The following ZMYND8 variants were observed in gnomAD, a reference collection of about 807,000 sequenced individuals.
ZMYND8 encodes zinc finger MYND-type containing 8.
In ZMYND8, 37 loss-of-function variants were observed where a neutral mutation model predicts 140.8. The observed-to-expected ratio is 0.26, with a 90% confidence interval of 0.20 to 0.35. The LOEUF is 0.35. ZMYND8 is among the 10% of genes least tolerant of loss of function. The probability of loss-of-function intolerance (pLI) is 1.00; values close to 1 mark genes in which losing one functional copy is unlikely to be tolerated. For synonymous variants in ZMYND8, 592 were observed against 597.1 expected, an observed-to-expected ratio of 0.99 and a Z score of 0.12; for missense variants, 1,068 against 1,570.0, an observed-to-expected ratio of 0.68 and a Z score of 5.40.
intron 10 of ZMYND8, among the ~76,000 whole-genome samples, chr20:47,280,201 A>G (rs909011229): frequency 1.8e-4 from 27 of 151,946 alleles, no homozygotes; most frequent in Admixed American, 6.6e-5. Flanking sequence ...AGACCTCCAA[A>G]GTTGTTTCTC....
chr20:47,266,302 G>A (rs2075521382), intron 11 of ZMYND8, among the ~76,000 whole-genome samples: 1 of 151,658 alleles, frequency 6.6e-6, no homozygotes, highest in South Asian at 2.1e-4. Flanking sequence ...GGAGAGAGAT[G>A]GAGTTTCACT....
intron 2 of ZMYND8, among the ~76,000 whole-genome samples, chr20:47,325,196 C>T (rs2080311552): frequency 1.3e-5 from 2 of 152,220 alleles, no homozygotes; most frequent in African/African-American, 2.4e-5. Flanking sequence ...TGAGCCACCA[C>T]ACCTGGCCCA....
chr20:47,283,721 T>A (rs1040756332), intron 8 of ZMYND8, 73 bp from the exon 9 acceptor site: 48 of 1,468,956 alleles, frequency 3.3e-5, no homozygotes, highest in Non-Finnish European at 4.2e-5. Flanking sequence ...CAATGCTTGA[T>A]GATTTTGAAG....
chr20:47,330,463 C>T (rs1265652434), intron 2 of ZMYND8, among the ~76,000 whole-genome samples: 11 of 151,670 alleles, frequency 7.3e-5, no homozygotes, highest in Non-Finnish European at 1.5e-4. Context: ...CTCAGCCTCC[C>T]AAAATGCTGG....
At chr20:47,295,624 T>C (rs901885267) in intron 4 of ZMYND8, among the ~76,000 whole-genome samples, 1 of 152,204 alleles carries the variant, frequency 6.6e-6, no homozygotes, top group African/African-American at 2.4e-5. Context: ...TATGACTTCA[T>C]TGTCCATCTC....
rs756460544 is a variant in ZMYND8 at position 47,247,132 on chromosome 20, CCCA to C, written c.1775-618_1775-616del. On this transcript the variant is annotated intron_variant, in intron 13 of 22. Transcript: ENST00000471951. Reference sequence around the variant, plus strand: ...TTTCATGCGAGAGGCACTGGTTTGGCCCACAGGGTATCTTGTCTGCTTTTAATT... The same window carrying C: ...TTTCATGCGAGAGGCACTGGTTTGGCCAGGGTATCTTGTCTGCTTTTAATT... Among the ~76,000 whole-genome samples, 11 of 152,338 alleles carry C rather than the reference CCCA, an allele frequency of 7.2e-5. No individual in the cohort carries two copies. The South Asian group carries it at 8.3e-4, about 11-fold the overall frequency.
intron 19 of ZMYND8, among the ~76,000 whole-genome samples, chr20:47,222,439 G>A (rs1428430408): frequency 6.6e-6 from 1 of 152,236 alleles, no homozygotes; most frequent in Admixed American, 6.5e-5. Context: ...GGGAGGCTGA[G>A]GAAGGAGAAT....
chr20:47,272,192 C>T (rs927206544), intron 11 of ZMYND8, among the ~76,000 whole-genome samples: 20 of 151,894 alleles, frequency 1.3e-4, no homozygotes, highest in African/African-American at 4.6e-4. Context: ...ATTCTCTTGC[C>T]TCAGCCTCCC....
intron 10 of ZMYND8, among the ~76,000 whole-genome samples, chr20:47,280,471 T>C (rs1468566932): frequency 6.6e-6 from 1 of 152,174 alleles, no homozygotes; most frequent in African/African-American, 2.4e-5. Context: ...TCACACGCCG[T>C]CCTTCATGCT....
At chr20:47,308,860 A>G (rs913601666) in intron 3 of ZMYND8, among the ~76,000 whole-genome samples, 1 of 152,144 alleles carries the variant, frequency 6.6e-6, no homozygotes, top group Non-Finnish European at 1.5e-5. Flanking sequence ...CCTTCCATGA[A>G]AGCAACAATC....
At chr20:47,233,335 G>A (rs997344447) in intron 16 of ZMYND8, among the ~76,000 whole-genome samples, 4 of 149,786 alleles carry the variant, frequency 2.7e-5, no homozygotes, top group African/African-American at 5.0e-5. Flanking sequence ...TCAGCCTCCC[G>A]AATAGCTGAG....
intron 19 of ZMYND8, among the ~76,000 whole-genome samples, chr20:47,222,996 T>C (rs1459928612): frequency 6.6e-6 from 1 of 152,194 alleles, no homozygotes; most frequent in Non-Finnish European, 1.5e-5. Context: ...GCCTAAAATA[T>C]TCACTCTCGC....
intron 12 of ZMYND8, among the ~76,000 whole-genome samples, chr20:47,258,784 T>G (rs2074944404): frequency 6.6e-6 from 1 of 151,952 alleles, no homozygotes; most frequent in Non-Finnish European, 1.5e-5. Flanking sequence ...ACTGGAGAAT[T>G]CCTTAACATT....
In ZMYND8 at chr20:47,335,026, G is replaced by A. The variant is rs575242644; in HGVS notation, c.85+12830C>T. Among the ~76,000 whole-genome samples the A allele has an allele frequency of 9.9e-5, 15 of 152,092 alleles. No individual in the cohort carries two copies. In the East Asian group the frequency reaches 2.7e-3, roughly 28 times the overall value. On this transcript the variant is annotated intron_variant, in intron 2 of 22. Coordinates refer to ENST00000471951, the MANE Select transcript of ZMYND8 (RefSeq NM_001281775.3). ...TTTGGGAGGCCAAGACAGGAGGATCGCTTGAGCCCAGGAGTTCAAGACCAG... is the reference window on the plus strand; with the variant it reads ...TTTGGGAGGCCAAGACAGGAGGATCACTTGAGCCCAGGAGTTCAAGACCAG...
At chr20:47,336,406 C>T (rs1270986714) in intron 2 of ZMYND8, among the ~76,000 whole-genome samples, 1 of 152,210 alleles carries the variant, frequency 6.6e-6, no homozygotes, top group Admixed American at 6.5e-5. Flanking sequence ...ATTACACAGA[C>T]ATTTTTAAAA....
At chr20:47,227,085 C>T (rs1194126760) in intron 18 of ZMYND8, 118 bp downstream of exon 18, 21 of 1,074,430 alleles carry the variant, frequency 2.0e-5, no homozygotes, top group Admixed American at 7.2e-5. Context: ...GGTCTCCCTA[C>T]GAGTCATACA....
rs375149199 is a variant in ZMYND8, at chr20:47,251,785, C to T, written c.1622-2346G>A. 1.6e-4 allele frequency among the ~76,000 whole-genome samples: 23 copies of T among 139,666 alleles called. No homozygotes were observed. In the South Asian group the frequency reaches 4.8e-3, roughly 29 times the overall value. The allele number at this position is 139,666 out of a possible 152,430, so 91.6% of individuals were successfully genotyped here. ...CATCTGGGAAGCAAGGAGTGCATCT[C>T]TGCCCGGCCGCCGCACCGTCTGGGA... On this transcript the variant is annotated intron_variant, in intron 12 of 22. Transcript: ENST00000471951.
intron 2 of ZMYND8, among the ~76,000 whole-genome samples, chr20:47,330,510 GTTC>G (rs1047008038): frequency 2.6e-5 from 4 of 151,948 alleles, no homozygotes; most frequent in African/African-American, 7.3e-5. Flanking sequence ...TTAAGGCTGT[GTTC>G]TTAAGGAGCC....
chr20:47,246,913 T>C (rs2040626335), intron 13 of ZMYND8, among the ~76,000 whole-genome samples: 1 of 152,110 alleles, frequency 6.6e-6, no homozygotes, highest in African/African-American at 2.4e-5. Context: ...GGCCCAGGGA[T>C]ATCACCTGCC....
Sources: allele counts gnomAD v4.1 joint callset (sites outside exome capture counted in the v4.1 genomes callset), GRCh38; gene constraint gnomAD v4.1.1; transcripts MANE v1.5; gene names NCBI Gene and HGNC (gene_info 2026-07-23, HGNC 2026-07-21).